Variants in FGF7 observed in about 807,000 individuals in gnomAD.
FGF7 encodes the protein FGF-7.
FGF7 carries 6 observed loss-of-function variants against 20.5 expected under a neutral mutation model. That is an observed-to-expected ratio of 0.29 (90% CI 0.16 to 0.58). The LOEUF is 0.58. Ranked by LOEUF, FGF7 falls within the 20% of genes least tolerant of loss-of-function variation. The probability of loss-of-function intolerance (pLI) is 0.90; values close to 1 mark genes in which losing one functional copy is unlikely to be tolerated. For missense variants in FGF7, 144 were observed against 228.8 expected, an observed-to-expected ratio of 0.63 and a Z score of 2.39; for synonymous variants, 64 against 74.7, an observed-to-expected ratio of 0.86 and a Z score of 0.74.
chr15:49,462,499 T>C (rs547441748), intron 2 of FGF7, among the ~76,000 whole-genome samples: 9 of 152,200 alleles, frequency 5.9e-5, no homozygotes, highest in African/African-American at 1.9e-4. Flanking sequence ...ATTTCTAACA[T>C]AATTTGTTAA....
intron 2 of FGF7, among the ~76,000 whole-genome samples, chr15:49,457,513 A>C (rs1166506781): frequency 6.6e-6 from 1 of 152,012 alleles, no homozygotes; most frequent in Non-Finnish European, 1.5e-5. Context: ...TTTCTTAAAA[A>C]TCTATAACAT....
At chr15:49,459,153 G>A (rs2053570736) in intron 2 of FGF7, among the ~76,000 whole-genome samples, 2 of 152,308 alleles carry the variant, frequency 1.3e-5, no homozygotes, top group Admixed American at 1.3e-4. Context: ...TTGTCCAGGA[G>A]AAAGAGTGTG....
chr15:49,465,304 CTTTTTTT>C (rs67362920), intron 2 of FGF7, among the ~76,000 whole-genome samples: 1 of 140,604 alleles, frequency 7.1e-6, no homozygotes, highest in Non-Finnish European at 1.5e-5. Flanking sequence ...TTTTCTTTTT[CTTTTTTT>C]TTTTTTTGGT....
intron 2 of FGF7, among the ~76,000 whole-genome samples, chr15:49,452,185 G>T (rs1282406913): frequency 6.6e-6 from 1 of 151,986 alleles, no homozygotes; most frequent in African/African-American, 2.4e-5. Context: ...GGCACTACAG[G>T]TGCATGCTAC....
Position 49,487,745 on chromosome 15 carries a change from T to A in FGF7, c.*3241T>A, listed in dbSNP as rs906700929. ...AGGGGGCCCACCACAGACGGAACAT[T>A]TCTTTTCTCTTAAGACTCATGTGAT... On this transcript the variant is annotated 3_prime_UTR_variant, in exon 4 of 4. Transcript: ENST00000267843. The A allele has an allele frequency of 6.6e-6, 1 of 151,942 alleles. No individual in the cohort carries two copies. Among genetic ancestry groups the A allele is most frequent in the African/African-American group, 2.4e-5 (1 of 41,418 alleles). 9.4% of individuals were successfully genotyped at this position (151,942 alleles called of 1,614,324 possible). A position where few individuals can be genotyped will look rare whatever the true frequency, so the allele number is the denominator to read the frequency against.
chr15:49,452,705 C>T (rs1377989183), intron 2 of FGF7, among the ~76,000 whole-genome samples: 1 of 152,112 alleles, frequency 6.6e-6, no homozygotes, highest in Admixed American at 6.6e-5. Flanking sequence ...GTCAGTCTCT[C>T]TGAATCTTGG....
chr15:49,424,743 A>T (rs1213597800), intron 2 of FGF7, 160 bp downstream of exon 2: 4 of 535,626 alleles, frequency 7.5e-6, no homozygotes, highest in Non-Finnish European at 1.3e-5. Context: ...TATGCCCCTA[A>T]AAATATCTCT....
chr15:49,450,952 A>G (rs2151883858), intron 2 of FGF7, among the ~76,000 whole-genome samples: 1 of 152,222 alleles, frequency 6.6e-6, no homozygotes, highest in South Asian at 2.1e-4. Flanking sequence ...ACTCCTTTGA[A>G]TGCTCCTTCC....
Position 49,424,353 on chromosome 15 carries a change from T to A in FGF7, c.56T>A (p.Phe19Tyr), listed in dbSNP as rs1303269688. The change falls in exon 2 of 4, where the codon TTT becomes TAT. Residue 19 changes from phenylalanine to tyrosine, a missense_variant. Transcript: ENST00000267843. Reference sequence around the variant, plus strand: ...CCAACTTTGCTCTACAGATCATGCTTTCACATTATCTGTCTAGTGGGTACT... The same window carrying A: ...CCAACTTTGCTCTACAGATCATGCTATCACATTATCTGTCTAGTGGGTACT... ...ILPTLLYRSC[F>Y]HIICLVGTIS... The A allele has an allele frequency of 1.2e-6, 2 of 1,613,554 alleles. No individual in the cohort carries two copies. Among genetic ancestry groups the A allele is most frequent in the Non-Finnish European group, 1.7e-6 (2 of 1,179,556 alleles).
intron 2 of FGF7, among the ~76,000 whole-genome samples, chr15:49,435,903 T>C (rs976614620): frequency 1.3e-5 from 2 of 151,598 alleles, no homozygotes; most frequent in African/African-American, 4.8e-5. Context: ...AACATTTTTA[T>C]TGAGTGAATA....
chr15:49,469,292 G>A (rs954390014), intron 2 of FGF7, among the ~76,000 whole-genome samples: 1 of 151,880 alleles, frequency 6.6e-6, no homozygotes, highest in Non-Finnish European at 1.5e-5. Flanking sequence ...ACCACTTATC[G>A]AATACTGTCT....
chr15:49,476,624 T>C lies in FGF7; in HGVS notation c.287-6527T>C, dbSNP rs191643723. 4.2e-3 allele frequency among the ~76,000 whole-genome samples: 638 copies of C among 152,238 alleles called. 8 individuals carry two copies. The highest frequency in any genetic ancestry group is 0.015 in the African/African-American group (613 of 41,572). Reference sequence around the variant, plus strand: ...TAATTAATAAATCACATATGTTCTATATATTTTGGACATAAATAAATAATG... The same window carrying C: ...TAATTAATAAATCACATATGTTCTACATATTTTGGACATAAATAAATAATG... On this transcript the variant is annotated intron_variant, in intron 2 of 3. Transcript: ENST00000267843.
At chr15:49,471,099 T>C (rs2054699316) in intron 2 of FGF7, among the ~76,000 whole-genome samples, 1 of 152,152 alleles carries the variant, frequency 6.6e-6, no homozygotes, top group African/African-American at 2.4e-5. Context: ...AAAAGATAAG[T>C]ACTTTTAAAG....
At chr15:49,463,961 T>A (rs778418467) in intron 2 of FGF7, among the ~76,000 whole-genome samples, 3 of 152,228 alleles carry the variant, frequency 2.0e-5, no homozygotes, top group Non-Finnish European at 4.4e-5. Flanking sequence ...AGTTACTATT[T>A]TTATCCTAGG....
intron 2 of FGF7, among the ~76,000 whole-genome samples, chr15:49,454,579 TC>T (rs771826967): frequency 5.3e-5 from 8 of 152,104 alleles, no homozygotes; most frequent in Non-Finnish European, 1.5e-5. Context: ...ATCTAGATAT[TC>T]CCCATAATTA....
At chr15:49,480,872 T>C (rs1281818966) in intron 2 of FGF7, among the ~76,000 whole-genome samples, 1 of 152,156 alleles carries the variant, frequency 6.6e-6, no homozygotes, top group African/African-American at 2.4e-5. Context: ...CAATATGAAC[T>C]TATTGTCATG....
At chr15:49,459,270 G>C (rs1278241421) in intron 2 of FGF7, among the ~76,000 whole-genome samples, 1 of 152,156 alleles carries the variant, frequency 6.6e-6, no homozygotes, top group Non-Finnish European at 1.5e-5. Flanking sequence ...TGGAGGAGTA[G>C]GCTCCCAATA....
At position 49,424,074 on chromosome 15, in the gene FGF7, G is replaced by A. The variant is rs1462811968; in HGVS notation, c.-224G>A. Reference sequence around the variant, plus strand: ...GCGTCACAGCAACTGAACTTACTACGAACTGTTTTTATGAGGATTTATCAA... The same window carrying A: ...GCGTCACAGCAACTGAACTTACTACAAACTGTTTTTATGAGGATTTATCAA... On this transcript the variant is annotated 5_prime_UTR_variant, in exon 2 of 4. Transcript: ENST00000267843. 9.5e-6 allele frequency: 4 copies of A among 419,338 alleles called. No individual in the cohort carries two copies. The highest frequency in any genetic ancestry group is 4.0e-5 in the African/African-American group (2 of 49,642). The allele number at this position is 419,338 out of a possible 1,614,324, so 26.0% of individuals were successfully genotyped here.
rs1430658474 is a variant in FGF7 at position 49,476,229 on chromosome 15, TTGG to T, written c.287-6920_287-6918del. Among the ~76,000 whole-genome samples, 15 of 109,388 alleles carry T rather than the reference TTGG, an allele frequency of 1.4e-4. 3 individuals carry two copies. Among genetic ancestry groups the T allele is most frequent in the East Asian group, 3.5e-4 (1 of 2,878 alleles). The allele number at this position is 109,388 out of a possible 152,430, so 71.8% of individuals were successfully genotyped here. ...ATTTTGCTGTTTTGTTTTTTTGTTT[TTGG>T]TTTTTTTTTTTTTGCATTTGGCATA... On this transcript the variant is annotated intron_variant, in intron 2 of 3. Transcript: ENST00000267843.
Sources: gnomAD v4.1 joint callset for allele counts (sites outside exome capture counted in the v4.1 genomes callset) on GRCh38, gnomAD v4.1.1 for gene constraint, MANE v1.5 for transcripts, NCBI Gene and HGNC (gene_info 2026-07-23, HGNC 2026-07-21) for gene names.